SLC9A9: variants seen among roughly 807,000 people sequenced by gnomAD.
The protein encoded by SLC9A9 is solute carrier family 9 member A9.
Under a neutral mutation model 77.8 loss-of-function variants are expected in SLC9A9, and 62 were observed. The ratio of observed to expected loss-of-function variants is 0.80; its 90% CI spans 0.65 to 0.98. SLC9A9 has a LOEUF of 0.98. SLC9A9 is among the 50% of genes least tolerant of loss of function. The pLI is 0.00. For synonymous variants in SLC9A9, 320 were observed against 283.5 expected, an observed-to-expected ratio of 1.13 and a Z score of -1.29; for missense variants, 775 against 774.9, an observed-to-expected ratio of 1.00 and a Z score of 0.00.
rs531895552 is a variant in SLC9A9, at chr3:143,287,130, G to A, written c.1605-18150C>T. On this transcript the variant is annotated intron_variant, in intron 14 of 15. Transcript: ENST00000316549. ...GTGTGTGTGTGTGTGTGTGTGGAGC[G>A]GGGTGCAGAATAACTGCTGGCAAGT... is the stretch of plus-strand genomic sequence containing the variant. 2.0e-4 allele frequency among the ~76,000 whole-genome samples: 30 copies of A among 150,408 alleles called. No individual in the cohort carries two copies. The South Asian group carries it at 3.7e-3, about 19-fold the overall frequency.
In SLC9A9 at chr3:143,790,464, G is replaced by A. The variant is rs181490169; in HGVS notation, c.533+4537C>T. Among the ~76,000 whole-genome samples the A allele has an allele frequency of 7.6e-3, 1,154 of 152,300 alleles. 7 individuals carry two copies. Among genetic ancestry groups the A allele is most frequent in the Non-Finnish European group, 0.012 (825 of 68,016 alleles). On this transcript the variant is annotated intron_variant, in intron 4 of 15. Coordinates refer to ENST00000316549, the MANE Select transcript of SLC9A9 (RefSeq NM_173653.4). ...GCCATAATGATAAATGTAAGAATCT[G>A]AAATTATTGAGGTCTTAGTCTGTCA...
intron 6 of SLC9A9, among the ~76,000 whole-genome samples, chr3:143,584,712 A>G (rs1015913356): frequency 2.6e-5 from 4 of 152,232 alleles, no homozygotes; most frequent in African/African-American, 9.6e-5. Flanking sequence ...TTCCAGCTGT[A>G]CTATATCAAA....
chr3:143,612,648 C>T (rs1311469472), intron 6 of SLC9A9, among the ~76,000 whole-genome samples: 2 of 152,148 alleles, frequency 1.3e-5, no homozygotes, highest in Non-Finnish European at 2.9e-5. Flanking sequence ...GCAAAACAGA[C>T]CAAAATACCT....
chr3:143,517,710 C>T, intron 9 of SLC9A9: 2 of 1,597,698 alleles, frequency 1.3e-6, no homozygotes, highest in East Asian at 2.2e-5. Context: ...ATTTCAATGG[C>T]TCTGTCACAG....
At chr3:143,698,172 A>G (rs1165175656) in intron 4 of SLC9A9, 2 of 153,718 alleles carry the variant, frequency 1.3e-5, no homozygotes, top group Non-Finnish European at 1.5e-5. Context: ...ATTCTGGTGA[A>G]GTCTAGTGCA....
chr3:143,465,913 G>A (rs1053642035), intron 12 of SLC9A9, among the ~76,000 whole-genome samples: 2 of 152,172 alleles, frequency 1.3e-5, no homozygotes, highest in Non-Finnish European at 2.9e-5. Flanking sequence ...AGTACTTCAG[G>A]AAGTCCTTTT....
At chr3:143,624,671 CA>C (rs1265161149) in intron 6 of SLC9A9, among the ~76,000 whole-genome samples, 1 of 152,154 alleles carries the variant, frequency 6.6e-6, no homozygotes, top group Non-Finnish European at 1.5e-5. Flanking sequence ...ACTGAATCGG[CA>C]AAAACTGGAA....
intron 4 of SLC9A9, among the ~76,000 whole-genome samples, chr3:143,701,325 A>G (rs1026699076): frequency 6.6e-6 from 1 of 152,232 alleles, no homozygotes; most frequent in Non-Finnish European, 1.5e-5. Flanking sequence ...ACCAGGGAAC[A>G]ATTTTAAAGC....
intron 5 of SLC9A9, among the ~76,000 whole-genome samples, chr3:143,686,287 C>T (rs541245128): frequency 8.6e-5 from 13 of 151,856 alleles, no homozygotes; most frequent in Admixed American, 2.0e-4. Flanking sequence ...GAAAAAAATC[C>T]AGAAAAATAG....
chr3:143,516,278 T>C (rs2036201554), intron 9 of SLC9A9, among the ~76,000 whole-genome samples: 1 of 152,172 alleles, frequency 6.6e-6, no homozygotes, highest in African/African-American at 2.4e-5. Context: ...ATTTTATTTG[T>C]CTTTTCAGTG....
At chr3:143,677,434 T>G (rs1018225238) in intron 5 of SLC9A9, among the ~76,000 whole-genome samples, 1 of 150,278 alleles carries the variant, frequency 6.7e-6, no homozygotes, top group Non-Finnish European at 1.5e-5. Flanking sequence ...TGTCCTACAA[T>G]CTATCATCTT....
intron 14 of SLC9A9, among the ~76,000 whole-genome samples, chr3:143,319,607 A>G (rs1457350155): frequency 6.6e-6 from 1 of 152,218 alleles, no homozygotes; most frequent in Non-Finnish European, 1.5e-5. Context: ...TTTTTCTGGA[A>G]CCAGCCTCTG....
At chr3:143,792,592 T>C (rs1163600386) in intron 4 of SLC9A9, among the ~76,000 whole-genome samples, 1 of 152,128 alleles carries the variant, frequency 6.6e-6, no homozygotes, top group Non-Finnish European at 1.5e-5. Flanking sequence ...CCAGAACACA[T>C]GCCCTGTTGG....
chr3:143,799,141 C>T (rs1328793291), intron 2 of SLC9A9, among the ~76,000 whole-genome samples: 1 of 152,158 alleles, frequency 6.6e-6, no homozygotes, highest in Non-Finnish European at 1.5e-5. Flanking sequence ...CTTTATCCGA[C>T]CTCTCCCAAA....
In SLC9A9 at chr3:143,455,409, T is replaced by C. The variant is rs528962501; in HGVS notation, c.1469+11628A>G. On this transcript the variant is annotated intron_variant, in intron 12 of 15. Transcript: ENST00000316549. ...TTTAGCTATTCTAGTTACTCTGCATTTCTTTCTAAATTTAAAAATCAGTTT... is the reference window on the plus strand; with the variant it reads ...TTTAGCTATTCTAGTTACTCTGCATCTCTTTCTAAATTTAAAAATCAGTTT... Among the ~76,000 whole-genome samples, 67 of 152,348 alleles carry C rather than the reference T, an allele frequency of 4.4e-4. No homozygotes were observed. The South Asian group carries it at 0.012, about 27-fold the overall frequency.
chr3:143,317,387 C>T (rs1390831514), intron 14 of SLC9A9, among the ~76,000 whole-genome samples: 1 of 152,186 alleles, frequency 6.6e-6, no homozygotes, highest in African/African-American at 2.4e-5. Flanking sequence ...AGGAGAACTC[C>T]TGCCTCATTG....
chr3:143,505,869 A>G (rs940677102), intron 9 of SLC9A9, among the ~76,000 whole-genome samples: 5 of 152,204 alleles, frequency 3.3e-5, no homozygotes, highest in African/African-American at 1.2e-4. Flanking sequence ...GAAACCCTCA[A>G]GCTTATAACT....
At chr3:143,822,393 A>G (rs143961360) in intron 2 of SLC9A9, among the ~76,000 whole-genome samples, 31 of 152,290 alleles carry the variant, frequency 2.0e-4, no homozygotes, top group Middle Eastern at 3.4e-3. Flanking sequence ...ACACACCCCA[A>G]CCTGGGGCAG....
intron 8 of SLC9A9, among the ~76,000 whole-genome samples, chr3:143,559,130 G>A (rs2037039270): frequency 6.6e-6 from 1 of 152,116 alleles, no homozygotes; most frequent in South Asian, 2.1e-4. Flanking sequence ...GTTTCCTGAG[G>A]CCTCCCCAGC....
Sources: gnomAD v4.1 joint callset for allele counts (sites outside exome capture counted in the v4.1 genomes callset) on GRCh38, gnomAD v4.1.1 for gene constraint, MANE v1.5 for transcripts, NCBI Gene and HGNC (gene_info 2026-07-23, HGNC 2026-07-21) for gene names.